Variants in RASEF observed in about 807,000 individuals in gnomAD.
The protein encoded by RASEF is ras and EF-hand domain-containing protein.
A neutral mutation model predicts 90.1 loss-of-function variants in RASEF; 68 were observed. The observed-to-expected ratio is 0.75, with a 90% confidence interval of 0.62 to 0.92. RASEF has a LOEUF of 0.92. Ranked by LOEUF, RASEF falls within the 40% of genes least tolerant of loss-of-function variation. The pLI, the probability that RASEF is intolerant of heterozygous loss-of-function variation, is 0.00. For synonymous variants in RASEF, 331 were observed against 345.2 expected (o/e 0.96, Z 0.46); for missense variants, 949 against 937.2 (o/e 1.01, Z -0.16).
At chr9:83,049,529 CTTT>C (rs10687615) in intron 1 of RASEF, among the ~76,000 whole-genome samples, 9 of 99,078 alleles carry the variant, frequency 9.1e-5, no homozygotes, top group South Asian at 8.1e-4. Context: ...TTCTGCCTTC[CTTT>C]TTTTTTTTTT....
chr9:83,000,857 C>A, intron 10 of RASEF, 39 bp downstream of exon 10: 1 of 1,512,792 alleles, frequency 6.6e-7, no homozygotes, highest in Non-Finnish European at 9.2e-7. Flanking sequence ...ATTTCAATCA[C>A]GTAGAAGGCC....
intron 1 of RASEF, chr9:83,048,778 G>A: frequency 1.0e-6 from 1 of 976,278 alleles, no homozygotes; most frequent in Admixed American, 6.1e-5. Flanking sequence ...AGTTCTTGAG[G>A]ATTTCAAGTC....
rs1301531328 is a variant in RASEF, at chr9:82,998,475, C to A, written c.1724-29G>T. On this transcript the variant is annotated intron_variant, in intron 12 of 16. Transcript: ENST00000376447. ...AAAAGGAATGTGAGAGTGGAGAGCA[C>A]GATGTAAATAATTCCATTGGCTTTT... The A allele has an allele frequency of 4.3e-6, 6 of 1,388,004 alleles. No homozygotes were observed. The South Asian group carries it at 7.0e-5, about 16-fold the overall frequency. 86.0% of individuals were successfully genotyped at this position (1,388,004 alleles called of 1,614,324 possible).
rs1369261834 is a variant in RASEF at position 82,990,430 on chromosome 9, T to C, written c.2078A>G (p.Asp693Gly). ...GALFCETSAK[D>G]GSNIVEAVLH... ...AACAGCCTCCACTATGTTAGAACCA[T>C]CTTTGGCACTTGTTTCACAGAATAA... The change falls in exon 16 of 17, where the codon GAT becomes GGT. Residue 693 changes from aspartate (D) to glycine (G), a missense_variant. By Grantham distance (94) the Asp-to-Gly change is moderately conservative. Coordinates refer to ENST00000376447, the MANE Select transcript of RASEF (RefSeq NM_152573.4). 11 of 1,613,784 alleles carry C rather than the reference T, an allele frequency of 6.8e-6. No individual in the cohort carries two copies. Among genetic ancestry groups the C allele is most frequent in the Non-Finnish European group, 8.5e-6 (10 of 1,179,836 alleles).
chr9:83,215,136 C>A, the RASEF span, among the ~76,000 whole-genome samples: 3 of 151,816 alleles, frequency 2.0e-5, no homozygotes, highest in Non-Finnish European at 4.4e-5. Context: ...GGCCACTGGA[C>A]AGCCCAACTC....
the RASEF span, among the ~76,000 whole-genome samples, chr9:83,163,537 A>C: frequency 6.6e-6 from 1 of 152,202 alleles, no homozygotes; most frequent in Non-Finnish European, 1.5e-5. Flanking sequence ...ATTCTAAGAC[A>C]ACCAAAGAGA....
intron 1 of RASEF, among the ~76,000 whole-genome samples, chr9:83,058,331 C>T (rs1458398913): frequency 5.3e-5 from 8 of 150,622 alleles, no homozygotes; most frequent in Admixed American, 3.3e-4. Flanking sequence ...TACAGGTGCC[C>T]GCTACCACGC....
At chr9:83,209,170 A>C in the RASEF span, among the ~76,000 whole-genome samples, 1 of 152,200 alleles carries the variant, frequency 6.6e-6, no homozygotes, top group African/African-American at 2.4e-5. Context: ...CTAAATAATG[A>C]GGTAACGCCT....
chr9:83,105,863 G>A, the RASEF span, among the ~76,000 whole-genome samples: 1 of 152,134 alleles, frequency 6.6e-6, no homozygotes, highest in Non-Finnish European at 1.5e-5. Context: ...CCATGTGCCG[G>A]CTGCAGGACT....
the RASEF span, among the ~76,000 whole-genome samples, chr9:83,100,177 A>AAATAC: frequency 1.6e-4 from 24 of 152,324 alleles, no homozygotes; most frequent in East Asian, 4.6e-3. Context: ...AAATATATCT[A>AAATAC]AATACATTAT....
At chr9:83,190,881 C>A in the RASEF span, among the ~76,000 whole-genome samples, 1 of 152,214 alleles carries the variant, frequency 6.6e-6, no homozygotes. Context: ...GTCCCATGCC[C>A]AGGAAATTAC....
chr9:83,117,843 GAA>G, the RASEF span, among the ~76,000 whole-genome samples: 1 of 152,214 alleles, frequency 6.6e-6, no homozygotes, highest in African/African-American at 2.4e-5. Flanking sequence ...TCATGTTGGG[GAA>G]AGTCTGCAGT....
chr9:83,127,988 C>G, the RASEF span, among the ~76,000 whole-genome samples: 1 of 150,898 alleles, frequency 6.6e-6, no homozygotes, highest in Admixed American at 6.6e-5. Context: ...GAAACACCTG[C>G]TACTATAAAG....
chr9:83,182,686 A>G, the RASEF span, among the ~76,000 whole-genome samples: 2 of 152,188 alleles, frequency 1.3e-5, no homozygotes, highest in African/African-American at 4.8e-5. Context: ...CATTAGCAAA[A>G]TGGTCAAACA....
At chr9:83,031,615 A>G (rs1829648624) in intron 1 of RASEF, among the ~76,000 whole-genome samples, 1 of 152,198 alleles carries the variant, frequency 6.6e-6, no homozygotes, top group South Asian at 2.1e-4. Context: ...AGTAAGTGCT[A>G]AGCCAGTTTT....
chr9:82,989,457 C>G (rs1316484985), intron 16 of RASEF, among the ~76,000 whole-genome samples: 1 of 152,154 alleles, frequency 6.6e-6, no homozygotes, highest in Non-Finnish European at 1.5e-5. Context: ...CCAGCAGCCT[C>G]CATGTTGCTG....
At position 83,063,026 on chromosome 9, in the gene RASEF, G is replaced by A; in HGVS notation, c.-159C>T. ...GGGAACGTCGGGCGGGGCGAGGAACGTCGGGGGTGGCCGAGCGGCTCCCTT... is the reference window on the plus strand; with the variant it reads ...GGGAACGTCGGGCGGGGCGAGGAACATCGGGGGTGGCCGAGCGGCTCCCTT... On this transcript the variant is annotated 5_prime_UTR_variant, in exon 1 of 17. The change creates a new upstream start codon in the 5' untranslated region. Coordinates refer to ENST00000376447, the MANE Select transcript of RASEF (RefSeq NM_152573.4). 4.0e-6 allele frequency: 3 copies of A among 755,482 alleles called. No individual in the cohort carries two copies. Among genetic ancestry groups the A allele is most frequent in the Non-Finnish European group, 1.9e-6 (1 of 517,466 alleles). The allele number at this position is 755,482 out of a possible 1,614,324, so 46.8% of individuals were successfully genotyped here.
At chr9:83,106,027 GAATACCCAAAAT>G in the RASEF span, among the ~76,000 whole-genome samples, 1 of 152,160 alleles carries the variant, frequency 6.6e-6, no homozygotes, top group African/African-American at 2.4e-5. Flanking sequence ...TTTTCATCAG[GAATACCCAAAAT>G]ATAAGTCTCT....
Position 83,005,475 on chromosome 9 carries a change from T to A in RASEF, c.1054A>T (p.Ser352Cys). The A allele has an allele frequency of 6.2e-7, 1 of 1,614,038 alleles. No individual in the cohort carries two copies. Among genetic ancestry groups the A allele is most frequent in the Non-Finnish European group, 8.5e-7 (1 of 1,179,912 alleles). Residue 352 changes from serine (S) to cysteine (C), a missense_variant, in exon 8 of 17, where the codon AGT (serine) becomes TGT (cysteine). Physicochemically the swap from Ser to Cys is moderately radical, Grantham distance 112 (BLOSUM62 -1). Transcript: ENST00000376447. ...LQTANRKLHD[S>C]NDGLRSALEN... Reference sequence around the variant, plus strand: ...AGGGCACTTCTAAGGCCATCATTACTGTCATGTAGCTTCCGGTTAGCTGTT... The same window carrying A: ...AGGGCACTTCTAAGGCCATCATTACAGTCATGTAGCTTCCGGTTAGCTGTT...
Sources: allele counts gnomAD v4.1 joint callset (sites outside exome capture counted in the v4.1 genomes callset), GRCh38; gene constraint gnomAD v4.1.1; transcripts MANE v1.5; gene names NCBI Gene and HGNC (gene_info 2026-07-23, HGNC 2026-07-21).